The following TRAPPC9 variants were observed in gnomAD, a reference collection of about 807,000 sequenced individuals.
TRAPPC9 encodes IKK2 binding protein.
In TRAPPC9, 83 loss-of-function variants were observed where a neutral mutation model predicts 124.0. That is an observed-to-expected ratio of 0.67 (90% CI 0.56 to 0.80). TRAPPC9 has a LOEUF of 0.80. Among genes scored for constraint, TRAPPC9 ranks in the 30% least tolerant of loss-of-function variants. The probability of loss-of-function intolerance (pLI) is 0.00; values close to 1 mark genes in which losing one functional copy is unlikely to be tolerated. For missense variants in TRAPPC9, 1,302 were observed against 1,508.3 expected (o/e 0.86, Z 2.27); for synonymous variants, 638 against 617.5 (o/e 1.03, Z -0.49).
intron 21 of TRAPPC9, among the ~76,000 whole-genome samples, chr8:139,799,091 G>T (rs1456565114): frequency 6.6e-6 from 1 of 152,120 alleles, no homozygotes; most frequent in Non-Finnish European, 1.5e-5. Context: ...CTGTGTCCCC[G>T]CTCAAATCTC....
chr8:140,344,897 G>A (rs530819286), intron 9 of TRAPPC9, among the ~76,000 whole-genome samples: 25 of 152,370 alleles, frequency 1.6e-4, no homozygotes, highest in Non-Finnish European at 3.1e-4. Context: ...GCGTGAAGCC[G>A]TGGTCATATC....
chr8:140,237,232 C>A (rs1315660982), intron 16 of TRAPPC9, among the ~76,000 whole-genome samples: 1 of 151,028 alleles, frequency 6.6e-6, no homozygotes, highest in Non-Finnish European at 1.5e-5. Context: ...GATCATCAGA[C>A]AAAGAACATC....
intron 20 of TRAPPC9, among the ~76,000 whole-genome samples, chr8:139,900,328 C>T (rs1177139128): frequency 1.3e-5 from 2 of 152,178 alleles, no homozygotes; most frequent in African/African-American, 2.4e-5. Flanking sequence ...AGAGCTCAAA[C>T]ATTGCCTTAT....
intron 19 of TRAPPC9, among the ~76,000 whole-genome samples, chr8:139,977,932 C>T (rs528093810): frequency 4.3e-4 from 65 of 152,098 alleles, no homozygotes; most frequent in African/African-American, 1.2e-3. Context: ...CCACCCACCA[C>T]GGCCTCCTAA....
chr8:139,835,602 G>A (rs1438886651), intron 21 of TRAPPC9, among the ~76,000 whole-genome samples: 1 of 152,224 alleles, frequency 6.6e-6, no homozygotes, highest in Non-Finnish European at 1.5e-5. Context: ...AATCAGTGCT[G>A]CTGCTGTAAA....
At chr8:140,440,626 C>G (rs551515216) in intron 2 of TRAPPC9, among the ~76,000 whole-genome samples, 6 of 152,288 alleles carry the variant, frequency 3.9e-5, no homozygotes, top group African/African-American at 1.4e-4. Context: ...TTCATTGCTT[C>G]TATACACACA....
chr8:140,025,579 AAG>A (rs1554609851), intron 17 of TRAPPC9, among the ~76,000 whole-genome samples: 1 of 151,708 alleles, frequency 6.6e-6, no homozygotes. Context: ...AAAAAAAAAA[AAG>A]AAAAGAAAAA....
intron 14 of TRAPPC9, among the ~76,000 whole-genome samples, chr8:140,280,242 A>G (rs2065266232): frequency 6.6e-6 from 1 of 152,244 alleles, no homozygotes; most frequent in Admixed American, 6.5e-5. Context: ...GGAAGCGTCC[A>G]GGCCCGGGAA....
chr8:139,919,229 G>T (rs1832352696), intron 19 of TRAPPC9, among the ~76,000 whole-genome samples: 1 of 152,234 alleles, frequency 6.6e-6, no homozygotes, highest in Admixed American at 6.5e-5. Context: ...TTTGCTTTGT[G>T]ACCGGAGGCA....
chr8:139,791,581 G>GACACAC (rs137877446), intron 21 of TRAPPC9, among the ~76,000 whole-genome samples: 10,764 of 141,718 alleles, frequency 0.076, 476 homozygotes, highest in Middle Eastern at 0.21. Flanking sequence ...CCCCTGCACA[G>GACACAC]ACACACACAC....
At chr8:139,819,518 G>A (rs931963274) in intron 21 of TRAPPC9, among the ~76,000 whole-genome samples, 1 of 152,160 alleles carries the variant, frequency 6.6e-6, no homozygotes, top group Non-Finnish European at 1.5e-5. Flanking sequence ...GGAAGCCCCT[G>A]GGACAGGGAC....
intron 9 of TRAPPC9, among the ~76,000 whole-genome samples, chr8:140,318,320 T>G (rs2066494336): frequency 6.6e-6 from 1 of 152,254 alleles, no homozygotes; most frequent in Non-Finnish European, 1.5e-5. Flanking sequence ...CAATGTGAAA[T>G]GACGAAATCA....
At chr8:140,409,995 C>A (rs1468689210) in intron 5 of TRAPPC9, among the ~76,000 whole-genome samples, 1 of 151,974 alleles carries the variant, frequency 6.6e-6, no homozygotes, top group African/African-American at 2.4e-5. Flanking sequence ...TGAAAATTAG[C>A]CAGGCATGGT....
intron 17 of TRAPPC9, among the ~76,000 whole-genome samples, chr8:140,067,667 T>C (rs886994674): frequency 6.6e-6 from 1 of 152,138 alleles, no homozygotes; most frequent in African/African-American, 2.4e-5. Flanking sequence ...AGTGACTTGA[T>C]CAAGGTCACA....
In TRAPPC9 at chr8:140,443,304, T is replaced by C. The variant is rs374364373; in HGVS notation, c.585-4107A>G. On this transcript the variant is annotated intron_variant, in intron 2 of 22. Coordinates refer to ENST00000438773, the MANE Select transcript of TRAPPC9 (RefSeq NM_001160372.4). Reference sequence around the variant, plus strand: ...ACAAAAAATTAGCCAGGCGTGGTGGTGGGCGCCTGTAGTCCCAGCTAATCA... The same window carrying C: ...ACAAAAAATTAGCCAGGCGTGGTGGCGGGCGCCTGTAGTCCCAGCTAATCA... Among the ~76,000 whole-genome samples, 750 of 147,798 alleles carry C rather than the reference T, an allele frequency of 5.1e-3. 7 individuals carry two copies. Among genetic ancestry groups the C allele is most frequent in the East Asian group, 0.014 (68 of 4,906 alleles).
intron 18 of TRAPPC9, among the ~76,000 whole-genome samples, chr8:140,020,813 T>C (rs989264346): frequency 6.6e-6 from 1 of 152,222 alleles, no homozygotes; most frequent in Admixed American, 6.5e-5. Context: ...AGTTTTACTA[T>C]GAAGTTATAT....
At position 140,216,312 on chromosome 8, in the gene TRAPPC9, A is replaced by G. The variant is rs1282745683; in HGVS notation, c.2556+5147T>C. Among the ~76,000 whole-genome samples the G allele has an allele frequency of 6.6e-6, 1 of 152,216 alleles. No homozygotes were observed. The highest frequency in any genetic ancestry group is 1.5e-5 in the Non-Finnish European group (1 of 68,038). ...CGAACATTCATCTCTATCTATATAC[A>G]TTTATAATGATTCCAAAGAAAAACA... On this transcript the variant is annotated intron_variant, in intron 17 of 22. Transcript: ENST00000438773. The surrounding 1 kb of genome is among the most constrained non-coding windows in gnomAD (Gnocchi z 4.1).
Position 139,825,984 on chromosome 8 carries a change from C to A in TRAPPC9, c.3055+59895G>T, listed in dbSNP as rs879887178. Among the ~76,000 whole-genome samples the A allele has an allele frequency of 8.5e-5, 13 of 152,320 alleles. No homozygotes were observed. The highest frequency in any genetic ancestry group is 8.5e-4 in the Admixed American group (13 of 15,302). ...ATGAGGATGTGCAACAGCAGGGGAGCTCCAGGGCCCCTGTCCTCTCCCAGG... is the reference window on the plus strand; with the variant it reads ...ATGAGGATGTGCAACAGCAGGGGAGATCCAGGGCCCCTGTCCTCTCCCAGG... On this transcript the variant is annotated intron_variant, in intron 21 of 22. Coordinates refer to ENST00000438773, the MANE Select transcript of TRAPPC9 (RefSeq NM_001160372.4). The surrounding 1 kb of genome is among the most constrained non-coding windows in gnomAD (Gnocchi z 4.6).
intron 15 of TRAPPC9, among the ~76,000 whole-genome samples, chr8:140,254,906 C>T (rs761622121): frequency 6.6e-6 from 1 of 152,196 alleles, no homozygotes; most frequent in Non-Finnish European, 1.5e-5. Flanking sequence ...TCGGAAGACC[C>T]AGAAGTGAAC....
Sources: allele counts gnomAD v4.1 joint callset (sites outside exome capture counted in the v4.1 genomes callset), GRCh38; gene constraint gnomAD v4.1.1; non-coding constraint Gnocchi (gnomAD v3.1); transcripts MANE v1.5; gene names NCBI Gene and HGNC (gene_info 2026-07-23, HGNC 2026-07-21).